The following ZFHX3 variants were observed in gnomAD, a reference collection of about 807,000 sequenced individuals.
ZFHX3 encodes zinc finger homeobox 3.
A neutral mutation model predicts 279.1 loss-of-function variants in ZFHX3; 42 were observed. The ratio of observed to expected loss-of-function variants is 0.15; its 90% CI spans 0.12 to 0.19. The LOEUF (loss-of-function observed/expected upper bound fraction) is 0.19, where lower values mean the gene tolerates loss of function less well. ZFHX3 is among the 10% of genes least tolerant of loss of function. The probability of loss-of-function intolerance (pLI) is 1.00; values close to 1 mark genes in which losing one functional copy is unlikely to be tolerated. For synonymous variants in ZFHX3, 2,293 were observed against 1,957.8 expected (o/e 1.17, Z -4.52); for missense variants, 4,981 against 4,754.0 (o/e 1.05, Z -1.40).
chr16:73,204,955 C>A (rs914197260), intron 5 of ZFHX3, among the ~76,000 whole-genome samples: 3 of 152,154 alleles, frequency 2.0e-5, no homozygotes, highest in Admixed American at 2.0e-4. Context: ...TAACCATTAA[C>A]TTACAAGGGA....
intron 4 of ZFHX3, among the ~76,000 whole-genome samples, chr16:72,885,855 G>T (rs2038609604): frequency 3.3e-5 from 5 of 152,176 alleles, no homozygotes; most frequent in Admixed American, 3.3e-4. Context: ...GGAGCTTCTG[G>T]TCAGAGTGGG....
intron 1 of ZFHX3, among the ~76,000 whole-genome samples, chr16:73,030,253 T>C (rs1201307197): frequency 1.3e-5 from 2 of 152,194 alleles, no homozygotes; most frequent in Non-Finnish European, 2.9e-5. Context: ...CACAATGGAA[T>C]TGCTTTGCCA....
chr16:73,254,035 T>C (rs1483587482), intron 5 of ZFHX3, among the ~76,000 whole-genome samples: 1 of 152,144 alleles, frequency 6.6e-6, no homozygotes, highest in Non-Finnish European at 1.5e-5. Flanking sequence ...CACATTTGGA[T>C]CCATCCAGCA....
intron 1 of ZFHX3, among the ~76,000 whole-genome samples, chr16:73,831,150 G>A (rs576066835): frequency 2.6e-5 from 4 of 152,316 alleles, no homozygotes; most frequent in African/African-American, 9.6e-5. Flanking sequence ...GCAACTCCCA[G>A]GGTATTCACA....
chr16:73,334,358 G>C (rs912090202), intron 3 of ZFHX3, among the ~76,000 whole-genome samples: 2 of 152,170 alleles, frequency 1.3e-5, no homozygotes, highest in Admixed American at 6.5e-5. Context: ...GGAAGGGGAT[G>C]TCAAGGGCAT....
chr16:73,264,193 T>C (rs2013902500), intron 4 of ZFHX3, among the ~76,000 whole-genome samples: 1 of 151,922 alleles, frequency 6.6e-6, no homozygotes, highest in South Asian at 2.1e-4. Flanking sequence ...TGGGAGTGAG[T>C]TTCTTGAGTA....
chr16:73,693,551 C>A (rs79017333), intron 1 of ZFHX3, among the ~76,000 whole-genome samples: 2 of 151,708 alleles, frequency 1.3e-5, no homozygotes, highest in Non-Finnish European at 2.9e-5. Flanking sequence ...CTATGTCCTG[C>A]GCTTTCATGA....
At chr16:72,806,289 T>C (rs1232568586) in intron 7 of ZFHX3, among the ~76,000 whole-genome samples, 1 of 152,106 alleles carries the variant, frequency 6.6e-6, no homozygotes, top group African/African-American at 2.4e-5. Context: ...CAGAACCAGA[T>C]TTTTGAAACT....
At chr16:73,125,310 G>A (rs1420693004) in intron 7 of ZFHX3, 1 of 149,984 alleles carries the variant, frequency 6.7e-6, no homozygotes, top group Non-Finnish European at 1.5e-5. Context: ...CATTGACATG[G>A]AACCTACTAT....
Position 72,787,707 on chromosome 16 carries a change from G to GCCA in ZFHX3, c.10568_10569insTGG (p.Gly3527dup). ...GGCAGTGGTACGAGCCGCCGCCGCC[G>GCCA]CCGCCGCCGCCACCGCCGCCGCCGC... On this transcript the variant is annotated inframe_insertion, in exon 10 of 10. Transcript: ENST00000268489. 1.4e-6 allele frequency: 2 copies of GCCA among 1,399,946 alleles called. No homozygotes were observed. The highest frequency in any genetic ancestry group is 1.9e-6 in the Non-Finnish European group (2 of 1,070,094). The allele number at this position is 1,399,946 out of a possible 1,614,324, so 86.7% of individuals were successfully genotyped here. A position where few individuals can be genotyped will look rare whatever the true frequency, so the allele number is the denominator to read the frequency against.
chr16:72,895,848 T>A (rs146226298), intron 3 of ZFHX3, among the ~76,000 whole-genome samples: 3 of 151,942 alleles, frequency 2.0e-5, no homozygotes, highest in Non-Finnish European at 2.9e-5. Context: ...ACAGACTACA[T>A]AGATAAACAG....
chr16:73,541,096 G>A (rs962926765), intron 2 of ZFHX3, among the ~76,000 whole-genome samples: 15 of 152,150 alleles, frequency 9.9e-5, no homozygotes, highest in Admixed American at 2.6e-4. Flanking sequence ...TTCTCCACCC[G>A]TCCATCTGCA....
At chr16:73,153,860 G>C (rs992273320) in intron 5 of ZFHX3, among the ~76,000 whole-genome samples, 1 of 151,852 alleles carries the variant, frequency 6.6e-6, no homozygotes, top group Non-Finnish European at 1.5e-5. Context: ...ATGTTGGCCA[G>C]GATGAAATTA....
At chr16:73,715,735 C>T (rs1177306080) in intron 1 of ZFHX3, among the ~76,000 whole-genome samples, 3 of 151,918 alleles carry the variant, frequency 2.0e-5, no homozygotes, top group East Asian at 1.9e-4. Context: ...CCATGCCCTG[C>T]TAATTTTTTT....
At chr16:73,772,249 G>A (rs1423901919) in intron 1 of ZFHX3, among the ~76,000 whole-genome samples, 1 of 152,188 alleles carries the variant, frequency 6.6e-6, no homozygotes, top group Non-Finnish European at 1.5e-5. Flanking sequence ...AAAGGAAGAG[G>A]TTTATTGGAC....
chr16:73,454,791 C>T (rs547881123), intron 3 of ZFHX3, among the ~76,000 whole-genome samples: 1 of 152,130 alleles, frequency 6.6e-6, no homozygotes, highest in Admixed American at 6.5e-5. Context: ...GCATAAGTTA[C>T]ATCCTGTCCT....
intron 1 of ZFHX3, among the ~76,000 whole-genome samples, chr16:73,744,119 A>C (rs1403658900): frequency 6.6e-6 from 1 of 152,244 alleles, no homozygotes; most frequent in Non-Finnish European, 1.5e-5. Flanking sequence ...GTAAGACACT[A>C]TTCATTAGTA....
At chr16:73,662,298 T>C (rs2052793735) in intron 2 of ZFHX3, among the ~76,000 whole-genome samples, 1 of 152,186 alleles carries the variant, frequency 6.6e-6, no homozygotes. Flanking sequence ...ATACACAGAA[T>C]TTTACATCTG....
intron 2 of ZFHX3, among the ~76,000 whole-genome samples, chr16:73,604,477 G>A (rs1473510290): frequency 6.6e-6 from 1 of 152,192 alleles, no homozygotes; most frequent in Admixed American, 6.5e-5. Flanking sequence ...CAGGCACAGT[G>A]ACTCACGCCT....
Sources: allele counts gnomAD v4.1 joint callset (sites outside exome capture counted in the v4.1 genomes callset), GRCh38; gene constraint gnomAD v4.1.1; transcripts MANE v1.5; gene names NCBI Gene and HGNC (gene_info 2026-07-23, HGNC 2026-07-21).